The following CKMT2 variants were observed in gnomAD, a reference collection of about 807,000 sequenced individuals.
The protein encoded by CKMT2 is creatine kinase, mitochondrial 2.
CKMT2 carries 43 observed loss-of-function variants against 48.9 expected under a neutral mutation model. That is an observed-to-expected ratio of 0.88 (90% CI 0.69 to 1.13). The LOEUF is 1.13. Among genes scored for constraint, CKMT2 ranks in the 50% most tolerant of loss-of-function variants. The pLI is 0.00. For missense variants in CKMT2, 472 were observed against 555.4 expected (o/e 0.85, Z 1.51); for synonymous variants, 206 against 213.0 (o/e 0.97, Z 0.29).
chr5:81,264,474 C>T (rs1757328752), intron 9 of CKMT2, among the ~76,000 whole-genome samples: 1 of 152,144 alleles, frequency 6.6e-6, no homozygotes, highest in Non-Finnish European at 1.5e-5. Context: ...ATATCCCTAC[C>T]AGTAAGTACA....
At chr5:81,240,702 G>T (rs530632740) in intron 1 of CKMT2, among the ~76,000 whole-genome samples, 15 of 152,256 alleles carry the variant, frequency 9.9e-5, no homozygotes, top group Admixed American at 7.2e-4. Flanking sequence ...GTGACCTTGG[G>T]CTGTTAGTTA....
chr5:81,238,127 G>A (rs1331488737), intron 1 of CKMT2: 1 of 152,218 alleles, frequency 6.6e-6, no homozygotes, highest in East Asian at 1.9e-4. Context: ...GAGATCAGGA[G>A]ATTGAGACCA....
At chr5:81,247,185 T>C (rs975612585) in intron 1 of CKMT2, among the ~76,000 whole-genome samples, 5 of 152,224 alleles carry the variant, frequency 3.3e-5, no homozygotes, top group Non-Finnish European at 7.3e-5. Context: ...CAGTACGTTA[T>C]GATAATGCTC....
At chr5:81,265,120 G>C (rs942632388) in intron 9 of CKMT2, among the ~76,000 whole-genome samples, 1 of 152,104 alleles carries the variant, frequency 6.6e-6, no homozygotes. Context: ...AGGAATTCCT[G>C]GGTTAAAACC....
intron 7 of CKMT2, 119 bp downstream of exon 7, chr5:81,257,975 A>C: frequency 2.1e-6 from 2 of 968,582 alleles, no homozygotes; most frequent in Non-Finnish European, 2.9e-6. Context: ...CTAGAAATCA[A>C]AGCAACTGCC....
intron 9 of CKMT2, 94 bp downstream of exon 9, chr5:81,263,710 C>T (rs1416998132): frequency 9.2e-6 from 11 of 1,202,148 alleles, no homozygotes; most frequent in South Asian, 3.3e-5. Flanking sequence ...TCACAAAATT[C>T]GAGACCTCCT....
intron 9 of CKMT2, among the ~76,000 whole-genome samples, 154 bp downstream of exon 9, chr5:81,263,770 A>C (rs748564892): frequency 2.6e-5 from 4 of 152,198 alleles, no homozygotes; most frequent in African/African-American, 4.8e-5. Context: ...CTGTAACATT[A>C]TTCTTCCATG....
chr5:81,257,541 A>T (rs893189992), intron 6 of CKMT2, among the ~76,000 whole-genome samples, 192 bp from the exon 7 acceptor site: 4 of 152,186 alleles, frequency 2.6e-5, no homozygotes, highest in African/African-American at 9.6e-5. Context: ...TTAGGGTGAG[A>T]GTTGGTCTTA....
intron 1 of CKMT2, chr5:81,239,184 G>A (rs1251351348): frequency 6.6e-6 from 1 of 152,160 alleles, no homozygotes; most frequent in Non-Finnish European, 1.5e-5. Flanking sequence ...TTGAACCGTG[G>A]GTTTCCTTGA....
rs144184195 is a variant in CKMT2, at chr5:81,255,097, G to A, written c.552G>A (p.Glu184=). The change falls in exon 5 of 10, where the codon GAG becomes GAA. Residue 184 remains glutamate, a synonymous_variant. Coordinates refer to ENST00000254035, the MANE Select transcript of CKMT2 (RefSeq NM_001099735.2). ...LSLPPACTRA[E]RREVENVAIT... ...TGCCTCCAGCCTGCACCCGGGCCGA[G>A]CGAAGGGAGGTAGAGAACGTGGCCA... 100 of 1,614,116 alleles carry A rather than the reference G, an allele frequency of 6.2e-5. No homozygotes were observed. The African/African-American group carries it at 1.2e-3, about 20-fold the overall frequency.
At chr5:81,251,613 C>CA (rs907097325) in intron 2 of CKMT2, among the ~76,000 whole-genome samples, 4 of 151,156 alleles carry the variant, frequency 2.6e-5, no homozygotes, top group African/African-American at 4.9e-5. Flanking sequence ...AAAACAAAAA[C>CA]AAAAAAAAAT....
intron 8 of CKMT2, among the ~76,000 whole-genome samples, chr5:81,262,302 A>C (rs954846714): frequency 1.3e-5 from 2 of 152,242 alleles, no homozygotes; most frequent in Non-Finnish European, 2.9e-5. Flanking sequence ...CATGACTAAA[A>C]CACCAAGAGC....
chr5:81,249,363 G>T (rs1232825590), intron 1 of CKMT2, among the ~76,000 whole-genome samples: 1 of 152,158 alleles, frequency 6.6e-6, no homozygotes, highest in African/African-American at 2.4e-5. Context: ...TTACAGGCAT[G>T]AGCCACCATC....
intron 8 of CKMT2, chr5:81,259,518 C>G (rs142055397): frequency 3.5e-6 from 1 of 288,320 alleles, no homozygotes; most frequent in East Asian, 5.9e-5. Flanking sequence ...TAGGTAGGCT[C>G]TGCTCTCTCT....
chr5:81,261,058 C>G (rs1357258238), intron 8 of CKMT2, among the ~76,000 whole-genome samples: 1 of 152,210 alleles, frequency 6.6e-6, no homozygotes, highest in African/African-American at 2.4e-5. Flanking sequence ...AAGGCTGGTT[C>G]AACGTACACA....
intron 9 of CKMT2, among the ~76,000 whole-genome samples, chr5:81,264,886 T>C (rs925567203): frequency 6.6e-6 from 1 of 152,116 alleles, no homozygotes; most frequent in African/African-American, 2.4e-5. Flanking sequence ...ATTGTTATAA[T>C]ACATGTTTAA....
intron 1 of CKMT2, among the ~76,000 whole-genome samples, chr5:81,242,114 T>C (rs1246015142): frequency 6.6e-6 from 1 of 152,188 alleles, no homozygotes; most frequent in Non-Finnish European, 1.5e-5. Context: ...CAGCCTGTCA[T>C]GGTCAAACGG....
At chr5:81,239,539 A>C (rs1756364255) in intron 1 of CKMT2, among the ~76,000 whole-genome samples, 1 of 152,190 alleles carries the variant, frequency 6.6e-6, no homozygotes, top group African/African-American at 2.4e-5. Flanking sequence ...CCACTGATGC[A>C]CATGGGTGTG....
intron 1 of CKMT2, among the ~76,000 whole-genome samples, chr5:81,248,890 C>T (rs761335246): frequency 5.9e-5 from 9 of 152,100 alleles, no homozygotes; most frequent in Admixed American, 2.0e-4. Flanking sequence ...TTCGAAATGA[C>T]GGTTCTATTA....
Sources: gnomAD v4.1 joint callset for allele counts (sites outside exome capture counted in the v4.1 genomes callset) on GRCh38, gnomAD v4.1.1 for gene constraint, MANE v1.5 for transcripts, NCBI Gene and HGNC (gene_info 2026-07-23, HGNC 2026-07-21) for gene names.